The following FER1L6 variants were observed in gnomAD, a reference collection of about 807,000 sequenced individuals.
FER1L6 encodes the protein fer-1-like protein 6.
A neutral mutation model predicts 219.2 loss-of-function variants in FER1L6; 177 were observed. The observed-to-expected ratio is 0.81, with a 90% CI of 0.71 to 0.91. The LOEUF (loss-of-function observed/expected upper bound fraction) is 0.91. Ranked by LOEUF, FER1L6 falls within the 40% of genes least tolerant of loss-of-function variation. The pLI, the probability that FER1L6 is intolerant of heterozygous loss-of-function variation, is 0.00. For synonymous variants in FER1L6, 768 were observed against 824.3 expected, an observed-to-expected ratio of 0.93 and a Z score of 1.17; for missense variants, 2,153 against 2,259.9, an observed-to-expected ratio of 0.95 and a Z score of 0.96.
intron 18 of FER1L6, among the ~76,000 whole-genome samples, chr8:124,028,144 G>T (rs551480513): frequency 6.6e-6 from 1 of 152,310 alleles, no homozygotes; most frequent in African/African-American, 2.4e-5. Flanking sequence ...AAAGTCAGAG[G>T]TTAGAAGAGT....
At chr8:123,989,196 T>G (rs1183346595) in intron 12 of FER1L6, among the ~76,000 whole-genome samples, 1 of 152,180 alleles carries the variant, frequency 6.6e-6, no homozygotes, top group Non-Finnish European at 1.5e-5. Flanking sequence ...TGAATGATAT[T>G]TTTAATGTGT....
chr8:123,868,896 C>T (rs1324633875), intron 1 of FER1L6, among the ~76,000 whole-genome samples: 4 of 151,972 alleles, frequency 2.6e-5, no homozygotes, highest in African/African-American at 7.3e-5. Context: ...AGAGCATAGC[C>T]CTGCAGAGAG....
At chr8:123,866,911 G>A (rs553731750) in intron 1 of FER1L6, among the ~76,000 whole-genome samples, 104 of 152,260 alleles carry the variant, frequency 6.8e-4, no homozygotes, top group African/African-American at 1.1e-3. Context: ...GAGCTACCAC[G>A]CCTGACCAGG....
rs564318508 is a variant in FER1L6, at chr8:123,913,409, TAGG to T, written c.-7-42580_-7-42578del. Reference sequence around the variant, plus strand: ...TCCACAATTCCTAAGAGAAAGAAAATAGGAGCATTTTCAACATAGCCAGCTGCC... The same window carrying T: ...TCCACAATTCCTAAGAGAAAGAAAATAGCATTTTCAACATAGCCAGCTGCC... On this transcript the variant is annotated intron_variant, in intron 1 of 40. Transcript: ENST00000522917. Among the ~76,000 whole-genome samples, 11 of 152,132 alleles carry T rather than the reference TAGG, an allele frequency of 7.2e-5. No individual in the cohort carries two copies. The East Asian group carries it at 1.2e-3, about 16-fold the overall frequency.
chr8:123,977,397 C>T lies in FER1L6; in HGVS notation c.871-20C>T. ...AGTCAGTCCCTTCCATGACTCATGT[C>T]CTCCTGGCTGTGTTTTTAGGGGCGA... is the stretch of plus-strand genomic sequence containing the variant. On this transcript the variant is annotated intron_variant, in intron 9 of 40. Transcript: ENST00000522917. The T allele has an allele frequency of 6.2e-7, 1 of 1,607,256 alleles. No individual in the cohort carries two copies. The highest frequency in any genetic ancestry group is 8.5e-7 in the Non-Finnish European group (1 of 1,176,070).
chr8:123,932,808 G>A (rs1198749466), intron 1 of FER1L6, among the ~76,000 whole-genome samples: 1 of 152,234 alleles, frequency 6.6e-6, no homozygotes, highest in Non-Finnish European at 1.5e-5. Flanking sequence ...TTATGTGTAT[G>A]AGGCTACTGG....
In FER1L6 at chr8:124,017,681, T is replaced by G; in HGVS notation, c.1976T>G (p.Leu659Ter). The G allele has an allele frequency of 6.2e-7, 1 of 1,613,894 alleles. No homozygotes were observed. The highest frequency in any genetic ancestry group is 1.3e-5 in the African/African-American group (1 of 75,046). The change falls in exon 16 of 41, where the codon TTA (leucine) becomes TGA (stop). Residue 659 changes from leucine (L) to a stop codon, truncating the protein, a stop_gained. Transcript: ENST00000522917. LOFTEE classifies it high-confidence loss of function. ...CCCAAGATGTTGAACCAAACCACTT[T>G]AGATAAGAAGCGACTTACGCTCTGC... Reference protein sequence around the residue: ...KKPKMLNQTTLDKKRLTLCWQ... With the variant: ...KKPKMLNQTT
intron 33 of FER1L6, among the ~76,000 whole-genome samples, chr8:124,091,012 T>G (rs894814249): frequency 1.3e-5 from 2 of 151,926 alleles, no homozygotes; most frequent in African/African-American, 4.8e-5. Flanking sequence ...CTCTGAGGGG[T>G]GGGAAAGAGG....
At position 124,035,325 on chromosome 8, in the gene FER1L6, G is replaced by A. The variant is rs1471830435; in HGVS notation, c.2335G>A (p.Val779Met). The A allele has an allele frequency of 5.0e-6, 8 of 1,613,954 alleles. No individual in the cohort carries two copies. The highest frequency in any genetic ancestry group is 4.0e-5 in the African/African-American group (3 of 74,906). Reference sequence around the variant, plus strand: ...TTGGTCTGTGCAAGCAAAAGTCGACGTGTACCTGTGGCTGGGCTCCATCAA... The same window carrying A: ...TTGGTCTGTGCAAGCAAAAGTCGACATGTACCTGTGGCTGGGCTCCATCAA... Reference protein sequence around the residue: ...AGWSVQAKVDVYLWLGSIKHA... With the variant: ...AGWSVQAKVDMYLWLGSIKHA... Residue 779 changes from valine (V) to methionine (M), a missense_variant, in exon 19 of 41, where the codon GTG becomes ATG. By Grantham distance (21) the Val-to-Met change is conservative (BLOSUM62 1). Transcript: ENST00000522917.
At chr8:124,003,115 T>G in intron 12 of FER1L6, 52 bp from the exon 13 acceptor site, 1 of 1,512,752 alleles carries the variant, frequency 6.6e-7, no homozygotes, top group Non-Finnish European at 9.1e-7. Flanking sequence ...CCAAGCAGAC[T>G]GATTCTGATT....
intron 31 of FER1L6, among the ~76,000 whole-genome samples, chr8:124,075,610 T>A (rs973544876): frequency 1.3e-5 from 2 of 152,230 alleles, no homozygotes; most frequent in African/African-American, 4.8e-5. Context: ...TTTATTGTCA[T>A]TGTCAAGTAT....
intron 12 of FER1L6, among the ~76,000 whole-genome samples, chr8:124,002,315 G>A (rs1262280247): frequency 1.3e-5 from 2 of 152,204 alleles, no homozygotes; most frequent in African/African-American, 4.8e-5. Flanking sequence ...CTATTGCAGG[G>A]AGACAGAGTA....
chr8:123,986,575 C>A (rs570781821), intron 12 of FER1L6, among the ~76,000 whole-genome samples: 1 of 152,084 alleles, frequency 6.6e-6, no homozygotes, highest in Non-Finnish European at 1.5e-5. Context: ...TGACTGTACT[C>A]ACCCTGTTGT....
intron 39 of FER1L6, among the ~76,000 whole-genome samples, chr8:124,112,076 G>C (rs1014539778): frequency 1.3e-5 from 2 of 152,112 alleles, no homozygotes; most frequent in Non-Finnish European, 2.9e-5. Flanking sequence ...CCATACCTGG[G>C]GGCACTTCTG....
chr8:123,956,061 C>T lies in FER1L6; in HGVS notation c.63C>T (p.Asn21=). The T allele has an allele frequency of 6.2e-7, 1 of 1,610,900 alleles. No homozygotes were observed. The highest frequency in any genetic ancestry group is 1.7e-5 in the Admixed American group (1 of 59,672). ...NKAEKGLILA[N]KAAKDSQGDT... is the part of the protein sequence containing the mutation. ...CAGAGAAGGGGTTAATCCTAGCCAA[C>T]AAGGCTGCGAAAGGTGAGGCTGGGG... is the stretch of plus-strand genomic sequence containing the variant. The change falls in exon 2 of 41, where the codon AAC becomes AAT. Residue 21 remains asparagine, a synonymous_variant. Coordinates refer to ENST00000522917, the MANE Select transcript of FER1L6 (RefSeq NM_001039112.2).
chr8:124,088,824 A>G (rs1821894809), intron 33 of FER1L6, among the ~76,000 whole-genome samples: 1 of 152,010 alleles, frequency 6.6e-6, no homozygotes, highest in Non-Finnish European at 1.5e-5. Context: ...TGGAGGCCTC[A>G]AGACTCTGCC....
chr8:123,984,775 A>G (rs1816491560), intron 11 of FER1L6: 1 of 152,140 alleles, frequency 6.6e-6, no homozygotes. Context: ...ACCTAATGAT[A>G]TGGAAACCCT....
intron 17 of FER1L6, 105 bp downstream of exon 17, chr8:124,021,774 C>T (rs928068080): frequency 7.1e-6 from 10 of 1,418,072 alleles, no homozygotes; most frequent in Non-Finnish European, 8.8e-6. Context: ...TGTTTTTCTC[C>T]CCAGCCCTAG....
chr8:123,966,229 T>C lies in FER1L6; in HGVS notation c.323T>C (p.Ile108Thr), dbSNP rs375114520. Reference sequence around the variant, plus strand: ...ATTGACCCAGTTGTGACCATTGAGATTGGGGATGAGAAGAAGCAAAGCACA... The same window carrying C: ...ATTGACCCAGTTGTGACCATTGAGACTGGGGATGAGAAGAAGCAAAGCACA... ...ENIDPVVTIEIGDEKKQSTVK... is the reference protein window; with the variant it reads ...ENIDPVVTIETGDEKKQSTVK... The change falls in exon 5 of 41, where the codon ATT becomes ACT. Residue 108 changes from isoleucine to threonine, a missense_variant. By Grantham distance (89) the Ile-to-Thr change is moderately conservative (BLOSUM62 -1). Transcript: ENST00000522917. The C allele has an allele frequency of 2.8e-5, 45 of 1,613,978 alleles. No individual in the cohort carries two copies. Among genetic ancestry groups the C allele is most frequent in the South Asian group, 1.5e-4 (14 of 91,076 alleles).
Sources: allele counts gnomAD v4.1 joint callset (sites outside exome capture counted in the v4.1 genomes callset), GRCh38; gene constraint gnomAD v4.1.1; transcripts MANE v1.5; gene names NCBI Gene and HGNC (gene_info 2026-07-23, HGNC 2026-07-21).